ADAM19: variants seen among roughly 807,000 people sequenced by gnomAD.
ADAM19 encodes the protein disintegrin and metalloproteinase domain-containing protein 19.
ADAM19 carries 65 observed loss-of-function variants against 114.7 expected under a neutral mutation model. That is an observed-to-expected ratio of 0.57 (90% CI 0.46 to 0.70). The LOEUF is 0.70. Ranked by LOEUF, ADAM19 falls within the 30% of genes least tolerant of loss-of-function variation. ADAM19 has a pLI of 0.00. For missense variants in ADAM19, 1,063 were observed against 1,204.7 expected (o/e 0.88, Z 1.74); for synonymous variants, 466 against 460.5 (o/e 1.01, Z -0.15).
At chr5:157,524,077 C>T (rs1756384918) in intron 5 of ADAM19, among the ~76,000 whole-genome samples, 1 of 152,250 alleles carries the variant, frequency 6.6e-6, no homozygotes, top group Non-Finnish European at 1.5e-5. Flanking sequence ...CTGGCACAAG[C>T]CCCAGCACTG....
At chr5:157,537,782 C>A in intron 4 of ADAM19, 131 bp downstream of exon 4, 2 of 740,458 alleles carry the variant, frequency 2.7e-6, no homozygotes, top group East Asian at 2.6e-5. Flanking sequence ...CTCGTTTGCT[C>A]CCTTGGTCTT....
chr5:157,502,723 C>T, intron 12 of ADAM19, 80 bp downstream of exon 12: 1 of 1,506,788 alleles, frequency 6.6e-7, no homozygotes, highest in East Asian at 2.3e-5. Flanking sequence ...AAGAAATTTT[C>T]AATTGTGTTC....
At chr5:157,538,362 G>C (rs1322653216) in intron 3 of ADAM19, among the ~76,000 whole-genome samples, 1 of 152,164 alleles carries the variant, frequency 6.6e-6, no homozygotes, top group Admixed American at 6.5e-5. Flanking sequence ...TTCCAGCACT[G>C]GATCTACCAA....
At chr5:157,533,393 T>C (rs1025010017) in intron 4 of ADAM19, among the ~76,000 whole-genome samples, 1 of 152,226 alleles carries the variant, frequency 6.6e-6, no homozygotes, top group African/African-American at 2.4e-5. Flanking sequence ...ACCCTCCTCC[T>C]GGCCAGGATT....
At position 157,518,807 on chromosome 5, in the gene ADAM19, A is replaced by G. The variant is rs775201492; in HGVS notation, c.666+16T>C. ...AGAGAGCAGTTTTTCTGCAAGACCC[A>G]TTGCCTCCCCCTTACCTCTAAATAA... is the stretch of plus-strand genomic sequence containing the variant. On this transcript the variant is annotated intron_variant, in intron 7 of 22. Transcript: ENST00000257527. 5.0e-6 allele frequency: 8 copies of G among 1,609,014 alleles called. No individual in the cohort carries two copies. Among genetic ancestry groups the G allele is most frequent in the East Asian group, 2.2e-5 (1 of 44,854 alleles).
chr5:157,561,838 G>A (rs1757517009), intron 3 of ADAM19, among the ~76,000 whole-genome samples: 1 of 151,794 alleles, frequency 6.6e-6, no homozygotes, highest in African/African-American at 2.4e-5. Flanking sequence ...CACTAGAATA[G>A]AAGCTCCATA....
chr5:157,558,910 C>T lies in ADAM19; in HGVS notation c.251+5463G>A, dbSNP rs6862939. On this transcript the variant is annotated intron_variant, in intron 3 of 22. Coordinates refer to ENST00000257527, the MANE Select transcript of ADAM19 (RefSeq NM_033274.5). The stretch of plus-strand genomic sequence containing the variant: ...ATTGTATAATGGACTTGAGGAAAAA[C>T]GAGAATGTTAGGGAGCTAGATTACT... Among the ~76,000 whole-genome samples, 775 of 152,238 alleles carry T rather than the reference C, an allele frequency of 5.1e-3. 7 individuals carry two copies. Among genetic ancestry groups the T allele is most frequent in the African/African-American group, 0.018 (738 of 41,520 alleles).
intron 13 of ADAM19, 74 bp downstream of exon 13, chr5:157,499,499 T>A: frequency 1.5e-6 from 2 of 1,322,992 alleles, no homozygotes; most frequent in Non-Finnish European, 2.2e-6. Context: ...TCCCCAGCCA[T>A]CCACCCCAGC....
intron 5 of ADAM19, among the ~76,000 whole-genome samples, chr5:157,527,442 T>C (rs1418206834): frequency 1.3e-5 from 2 of 152,076 alleles, no homozygotes; most frequent in Admixed American, 1.3e-4. Context: ...GATCTCCTGA[T>C]CTTGTGATCT....
intron 9 of ADAM19, among the ~76,000 whole-genome samples, chr5:157,508,803 C>A (rs1561536007): frequency 6.6e-6 from 1 of 152,178 alleles, no homozygotes; most frequent in Non-Finnish European, 1.5e-5. Context: ...CTCCCTCCAA[C>A]CAAACCCTCA....
In ADAM19 at chr5:157,495,764, G is replaced by A. The variant is rs143760750; in HGVS notation, c.1595-969C>T. On this transcript the variant is annotated intron_variant, in intron 14 of 22. Transcript: ENST00000257527. ...TTCTCCTGTCTTAGCCTCTCGAGTA[G>A]CTGGAATTACAGGCGTCCACCACCA... is the stretch of plus-strand genomic sequence containing the variant. Among the ~76,000 whole-genome samples, 1,464 of 152,020 alleles carry A rather than the reference G, an allele frequency of 9.6e-3. 29 individuals are homozygous for A. The highest frequency in any genetic ancestry group is 0.033 in the African/African-American group (1,365 of 41,428).
rs1040729804 is a variant in ADAM19 at position 157,479,977 on chromosome 5, C to T, written c.*972G>A. 3 of 985,728 alleles carry T rather than the reference C, an allele frequency of 3.0e-6. No individual in the cohort carries two copies. Among genetic ancestry groups the T allele is most frequent in the Non-Finnish European group, 3.6e-6 (3 of 829,948 alleles). The allele number at this position is 985,728 out of a possible 1,614,324, so 61.1% of individuals were successfully genotyped here. A position where few individuals can be genotyped will look rare whatever the true frequency, so the allele number is the denominator to read the frequency against. ...ACATATGACCCCAATGGCCATGCCCCAAGTCTACTCTGGTCACACTCCTGA... is the reference window on the plus strand; with the variant it reads ...ACATATGACCCCAATGGCCATGCCCTAAGTCTACTCTGGTCACACTCCTGA... On this transcript the variant is annotated 3_prime_UTR_variant, in exon 23 of 23. Coordinates refer to ENST00000257527, the MANE Select transcript of ADAM19 (RefSeq NM_033274.5).
intron 3 of ADAM19, among the ~76,000 whole-genome samples, chr5:157,551,279 C>T (rs1757186749): frequency 6.6e-6 from 1 of 151,926 alleles, no homozygotes; most frequent in Admixed American, 6.6e-5. Flanking sequence ...TGGTGCACGC[C>T]TGTAATCTCA....
chr5:157,515,508 G>A (rs1303890671), intron 7 of ADAM19, among the ~76,000 whole-genome samples: 1 of 152,124 alleles, frequency 6.6e-6, no homozygotes, highest in East Asian at 1.9e-4. Context: ...ACTGTGCAGT[G>A]GTGGCTCAGA....
chr5:157,556,775 GACA>G (rs1366774148), intron 3 of ADAM19, among the ~76,000 whole-genome samples: 2 of 152,214 alleles, frequency 1.3e-5, no homozygotes, highest in Non-Finnish European at 2.9e-5. Context: ...ATAAAATGCA[GACA>G]ACAATATCTC....
Position 157,505,803 on chromosome 5 carries a change from G to C in ADAM19, c.996C>G (p.His332Gln). ...CAGCCACGCCAATGGCATTCTCGGA[G>C]TGGTCCTGCTCAGAAGACAGAGTTG... is the stretch of plus-strand genomic sequence containing the variant. ...VYQSGGVNMD[H>Q]SENAIGVAAT... The change falls in exon 11 of 23, where the codon CAC becomes CAG. Residue 332 changes from histidine to glutamine, a missense_variant. Physicochemically the swap from His to Gln is conservative, Grantham distance 24. This residue lies in a region of ADAM19 where 615 missense variants were observed against 706.3 expected (regional missense o/e 0.87). Coordinates refer to ENST00000257527, the MANE Select transcript of ADAM19 (RefSeq NM_033274.5). The C allele has an allele frequency of 1.2e-6, 2 of 1,614,116 alleles. No individual in the cohort carries two copies. The highest frequency in any genetic ancestry group is 1.7e-6 in the Non-Finnish European group (2 of 1,179,986).
At chr5:157,502,456 T>C (rs1287518013) in intron 12 of ADAM19, among the ~76,000 whole-genome samples, 1 of 152,224 alleles carries the variant, frequency 6.6e-6, no homozygotes, top group East Asian at 1.9e-4. Flanking sequence ...TATCTGGCTG[T>C]GTGGCCTCCA....
chr5:157,481,180 G>T, intron 22 of ADAM19, 178 bp from the exon 23 acceptor site: 1 of 766,376 alleles, frequency 1.3e-6, no homozygotes. Flanking sequence ...TGCAGGAAGG[G>T]GTGTGGTAGG....
chr5:157,528,367 A>G (rs560842502), intron 5 of ADAM19, among the ~76,000 whole-genome samples: 92 of 152,338 alleles, frequency 6.0e-4, no homozygotes, highest in Admixed American at 1.8e-3. Context: ...CGCCAAGCCA[A>G]GTTCCCACTG....
Sources: gnomAD v4.1 joint callset for allele counts (sites outside exome capture counted in the v4.1 genomes callset) on GRCh38, gnomAD v4.1.1 for gene constraint, gnomAD v4.1.1 regional missense constraint, MANE v1.5 for transcripts, NCBI Gene and HGNC (gene_info 2026-07-23, HGNC 2026-07-21) for gene names.